NTRK1: variants seen among roughly 807,000 people sequenced by gnomAD.
The protein encoded by NTRK1 is neurotrophic receptor tyrosine kinase 1.
Under a neutral mutation model 86.8 loss-of-function variants are expected in NTRK1, and 62 were observed. The ratio of observed to expected loss-of-function variants is 0.71; its 90% confidence interval spans 0.58 to 0.88. The LOEUF is 0.88. NTRK1 is among the 40% of genes least tolerant of loss of function. The probability of loss-of-function intolerance (pLI) is 0.00; values close to 1 mark genes in which losing one functional copy is unlikely to be tolerated. For synonymous variants in NTRK1, 469 were observed against 456.6 expected (o/e 1.03, Z -0.35); for missense variants, 967 against 1,078.4 (o/e 0.90, Z 1.45).
At chr1:156,845,141 T>C (rs1430511555) in intron 2 of NTRK1, 4 of 1,611,996 alleles carry the variant, frequency 2.5e-6, no homozygotes, top group African/African-American at 1.3e-5. Context: ...CGCCGCGTGG[T>C]TGCAGGCATG....
chr1:156,849,731 ACT>A (rs1655137913), intron 2 of NTRK1, among the ~76,000 whole-genome samples: 1 of 151,362 alleles, frequency 6.6e-6, no homozygotes, highest in Non-Finnish European at 1.5e-5. Context: ...CCTTCCCTCG[ACT>A]CTCTTTGAAC....
intron 1 of NTRK1, among the ~76,000 whole-genome samples, chr1:156,830,939 G>T (rs1452934767): frequency 6.6e-6 from 1 of 152,182 alleles, no homozygotes; most frequent in African/African-American, 2.4e-5. Context: ...CCAGCCCCCA[G>T]AATCCTGAAG....
chr1:156,874,581 C>T lies in NTRK1; in HGVS notation c.1206C>T (p.Ser402=), dbSNP rs971281735. The T allele has an allele frequency of 6.2e-7, 1 of 1,614,142 alleles. No individual in the cohort carries two copies. Among genetic ancestry groups the T allele is most frequent in the African/African-American group, 1.3e-5 (1 of 75,050 alleles). ...PVSFSPVDTN[S]TSGDPVEKKD... is the part of the protein sequence containing the mutation. ...CCTGTGTCCCTACAGACACTAACAG[C>T]ACATCTGGAGACCCGGTGGAGAAGA... Residue 402 remains serine, a synonymous_variant, in exon 10 of 17, where the codon AGC becomes AGT. Transcript: ENST00000524377.
At chr1:156,842,889 C>T in intron 2 of NTRK1, 1 of 815,662 alleles carries the variant, frequency 1.2e-6, no homozygotes, top group South Asian at 1.8e-5. Flanking sequence ...GGATCCTAAC[C>T]ATGGTCCCAA....
intron 16 of NTRK1, 165 bp downstream of exon 16, chr1:156,880,322 T>C (rs1233484914): frequency 5.8e-6 from 4 of 688,608 alleles, no homozygotes; most frequent in Non-Finnish European, 9.8e-6. Flanking sequence ...GTGGCCCTTT[T>C]CTTCTCTTCC....
Position 156,817,063 on chromosome 1 carries a change from C to CTCTCTCTCTCTCTCTCTG in NTRK1, c.-64+1237_-64+1238insTCTCTGTCTCTCTCTCTC, listed in dbSNP as rs1489769883. On this transcript the variant is annotated intron_variant, in intron 1 of 16. Transcript: ENST00000392302. ...AACTTCCCTTTCTCTCTCTCTCTCT[C>CTCTCTCTCTCTCTCTCTG]TCTCTCTCTCTCATCTCTCTTGGCT... 2.6e-5 allele frequency among the ~76,000 whole-genome samples: 4 copies of CTCTCTCTCTCTCTCTCTG among 151,626 alleles called. No homozygotes were observed. In the East Asian group the frequency reaches 7.8e-4, roughly 30 times the overall value.
intron 2 of NTRK1, chr1:156,846,664 G>A (rs1288073186): frequency 5.0e-6 from 8 of 1,614,176 alleles, no homozygotes; most frequent in Non-Finnish European, 6.8e-6. Flanking sequence ...CTGGCTCCTG[G>A]GTGCGGCTTA....
At chr1:156,839,841 C>A (rs1178531804) in intron 1 of NTRK1, among the ~76,000 whole-genome samples, 2 of 152,194 alleles carry the variant, frequency 1.3e-5, no homozygotes. Flanking sequence ...GGCTCAACCA[C>A]TTCTGGTCCT....
intron 1 of NTRK1, among the ~76,000 whole-genome samples, chr1:156,861,430 A>C (rs541252093): frequency 6.6e-6 from 1 of 152,200 alleles, no homozygotes; most frequent in Non-Finnish European, 1.5e-5. Flanking sequence ...GAGAGAGCCT[A>C]GCCGTCTAGA....
chr1:156,846,055 C>G (rs370712248), intron 2 of NTRK1: 4 of 1,612,688 alleles, frequency 2.5e-6, no homozygotes, highest in Non-Finnish European at 3.4e-6. Context: ...TCGGTGGCTT[C>G]CAGCGCACCA....
intron 2 of NTRK1, chr1:156,851,499 G>T (rs1194303392): frequency 1.2e-6 from 2 of 1,606,656 alleles, no homozygotes; most frequent in African/African-American, 1.3e-5. Flanking sequence ...GGGCAAGGGG[G>T]CTGAATGGGG....
chr1:156,849,483 G>A, intron 2 of NTRK1: 1 of 1,373,070 alleles, frequency 7.3e-7, no homozygotes, highest in Non-Finnish European at 1.0e-6. Context: ...AGGGGACCTT[G>A]CTCTGCGGGG....
intron 4 of NTRK1, among the ~76,000 whole-genome samples, chr1:156,867,672 T>TTTTC (rs1491355163): frequency 2.2e-5 from 3 of 135,600 alleles, no homozygotes; most frequent in African/African-American, 9.1e-5. Context: ...TTTTCTTTTC[T>TTTTC]TTTTTTTTTT....
chr1:156,849,336 G>T, intron 2 of NTRK1: 1 of 1,614,026 alleles, frequency 6.2e-7, no homozygotes, highest in Non-Finnish European at 8.5e-7. Flanking sequence ...CGGTAGATGT[G>T]TTCCAAGCAG....
intron 1 of NTRK1, among the ~76,000 whole-genome samples, chr1:156,829,148 T>C (rs79877064): frequency 0.042 from 6,357 of 150,862 alleles, 172 homozygotes; most frequent in African/African-American, 0.065. Context: ...ACGATAGGAG[T>C]GAATAGGAGG....
At chr1:156,864,609 G>A in intron 2 of NTRK1, 119 bp from the exon 3 acceptor site, 1 of 1,204,262 alleles carries the variant, frequency 8.3e-7, no homozygotes, top group Non-Finnish European at 1.2e-6. Flanking sequence ...GAAACAATGA[G>A]GGGCCTGAGG....
intron 2 of NTRK1, chr1:156,849,405 C>T (rs1318754664): frequency 3.7e-6 from 6 of 1,613,786 alleles, no homozygotes; most frequent in African/African-American, 1.3e-5. Flanking sequence ...CCCGCGGCCA[C>T]CCAGGACCCT....
rs1316603302 is a variant in NTRK1 at position 156,881,641 on chromosome 1, AG to A, written c.*4del. 3 of 1,603,278 alleles carry A rather than the reference AG, an allele frequency of 1.9e-6. No homozygotes were observed. The South Asian group carries it at 3.4e-5, about 18-fold the overall frequency. On this transcript the variant is annotated frameshift_variant and stop_lost, in exon 17 of 17. Coordinates refer to ENST00000524377, the MANE Select transcript of NTRK1 (RefSeq NM_002529.4). LOFTEE classifies it high-confidence loss of function. ...APPVYLDVLG[*>X] is the part of the protein sequence containing the mutation. Reference sequence around the variant, plus strand: ...CCTGTCTACCTGGATGTCCTGGGCTAGGGGGCCGGCCCAGGGGCTGGGAGTG... The same window carrying A: ...CCTGTCTACCTGGATGTCCTGGGCTAGGGGCCGGCCCAGGGGCTGGGAGTG...
intron 2 of NTRK1, chr1:156,848,929 G>A (rs1027650003): frequency 2.5e-6 from 4 of 1,575,580 alleles, no homozygotes; most frequent in Non-Finnish European, 3.4e-6. Flanking sequence ...ACGACTCCTT[G>A]TAGTACACGA....
Sources: gnomAD v4.1 joint callset for allele counts (sites outside exome capture counted in the v4.1 genomes callset) on GRCh38, gnomAD v4.1.1 for gene constraint, MANE v1.5 for transcripts, NCBI Gene and HGNC (gene_info 2026-07-23, HGNC 2026-07-21) for gene names.